The following TBC1D20 variants were observed in gnomAD, a reference collection of about 807,000 sequenced individuals.
TBC1D20 encodes chromosome 20 open reading frame 140.
TBC1D20 carries 12 observed loss-of-function variants against 41.6 expected under a neutral mutation model. That is an observed-to-expected ratio of 0.29 (90% CI 0.18 to 0.47). The LOEUF is 0.47. Among genes scored for constraint, TBC1D20 ranks in the 20% least tolerant of loss-of-function variants. The pLI is 1.00. For missense variants in TBC1D20, 421 were observed against 517.4 expected (o/e 0.81, Z 1.81); for synonymous variants, 205 against 204.8 (o/e 1.00, Z -0.01).
At chr20:452,912 G>C (rs916231452) in intron 1 of TBC1D20, among the ~76,000 whole-genome samples, 1 of 152,104 alleles carries the variant, frequency 6.6e-6, no homozygotes, top group Non-Finnish European at 1.5e-5. Context: ...CATTTTGGGA[G>C]GCCGAGGCGG....
In TBC1D20 at chr20:438,496, C is replaced by G; in HGVS notation, c.*90G>C. 6.8e-7 allele frequency: 1 copy of G among 1,463,950 alleles called. No individual in the cohort carries two copies. The highest frequency in any genetic ancestry group is 9.3e-7 in the Non-Finnish European group (1 of 1,080,426). The allele number at this position is 1,463,950 out of a possible 1,614,324, so 90.7% of individuals were successfully genotyped here. A position where few individuals can be genotyped will look rare whatever the true frequency, so the allele number is the denominator to read the frequency against. On this transcript the variant is annotated 3_prime_UTR_variant, in exon 8 of 8. Coordinates refer to ENST00000354200, the MANE Select transcript of TBC1D20 (RefSeq NM_144628.4). ...GGAATAAAAAACTCTGGACAGAAAC[C>G]CTTTTAATAAAGGAAATTCCACCCC...
chr20:443,624 C>T (rs1311489344), intron 3 of TBC1D20, among the ~76,000 whole-genome samples: 3 of 152,110 alleles, frequency 2.0e-5, no homozygotes, highest in Non-Finnish European at 4.4e-5. Context: ...ACGAAGCAAA[C>T]CCAGGGCTGC....
rs1311644216 is a variant in TBC1D20 at position 453,872 on chromosome 20, G to A, written c.71-5798C>T. Among the ~76,000 whole-genome samples the A allele has an allele frequency of 2.8e-5, 4 of 145,060 alleles. No individual in the cohort carries two copies. In the East Asian group the frequency reaches 6.2e-4, roughly 23 times the overall value. On this transcript the variant is annotated intron_variant, in intron 1 of 7. Transcript: ENST00000354200. Reference sequence around the variant, plus strand: ...GCCTATCCCAGCACTTTGGGAGGCCGAGGTGGATGGATCACTGAGGTCAGG... The same window carrying A: ...GCCTATCCCAGCACTTTGGGAGGCCAAGGTGGATGGATCACTGAGGTCAGG...
chr20:442,005 G>T lies in TBC1D20; in HGVS notation c.376C>A (p.Leu126Met), dbSNP rs776402659. ...AAGATGAGGAGGATGATGTCAATCA[G>T]TTCTTCCTGGAGCCCTTCTCTCTGT... ...EEQREGLQEE[L>M]IDIILLILER... Residue 126 changes from leucine (L) to methionine (M), a missense_variant, in exon 4 of 8, where the codon CTG becomes ATG. Coordinates refer to ENST00000354200, the MANE Select transcript of TBC1D20 (RefSeq NM_144628.4). The T allele has an allele frequency of 6.2e-7, 1 of 1,614,002 alleles. No homozygotes were observed. The highest frequency in any genetic ancestry group is 8.5e-7 in the Non-Finnish European group (1 of 1,179,968).
intron 1 of TBC1D20, among the ~76,000 whole-genome samples, chr20:453,342 C>CGG (rs1463953241): frequency 0.037 from 5,383 of 147,138 alleles, 117 homozygotes; most frequent in African/African-American, 0.061. Context: ...GGCGTGGCGG[C>CGG]GCATGCCTGT....
intron 3 of TBC1D20, 34 bp downstream of exon 3, chr20:445,016 T>C: frequency 6.3e-7 from 1 of 1,576,736 alleles, no homozygotes. Flanking sequence ...GATACAGTCT[T>C]TCCAAATGTG....
chr20:440,443 C>T (rs1231345766), intron 5 of TBC1D20, 54 bp from the exon 6 acceptor site: 1 of 1,603,580 alleles, frequency 6.2e-7, no homozygotes, highest in African/African-American at 1.3e-5. Flanking sequence ...CCTTCCCTCT[C>T]TCTGGGCCTT....
Position 439,055 on chromosome 20 carries a change from C to T in TBC1D20, c.956+53G>A, listed in dbSNP as rs1461004787. The T allele has an allele frequency of 7.0e-6, 11 of 1,565,480 alleles. No homozygotes were observed. Among genetic ancestry groups the T allele is most frequent in the Non-Finnish European group, 9.5e-6 (11 of 1,154,004 alleles). On this transcript the variant is annotated intron_variant, in intron 7 of 7. Transcript: ENST00000354200. The surrounding 1 kb of genome is among the most constrained non-coding windows in gnomAD (Gnocchi z 4.6). ...CCCACCAGACACAAACCTTCCCTCG[C>T]TTCTGCTCATTTACAGCCACCCCCA...
rs868730615 is a variant in TBC1D20, at chr20:453,184, A to C, written c.71-5110T>G. Among the ~76,000 whole-genome samples, 720 of 122,300 alleles carry C rather than the reference A, an allele frequency of 5.9e-3. 5 individuals are homozygous for C. The highest frequency in any genetic ancestry group is 0.017 in the African/African-American group (522 of 30,630). The allele number at this position is 122,300 out of a possible 152,430, so 80.2% of individuals were successfully genotyped here. A position where few individuals can be genotyped will look rare whatever the true frequency, so the allele number is the denominator to read the frequency against. On this transcript the variant is annotated intron_variant, in intron 1 of 7. Coordinates refer to ENST00000354200, the MANE Select transcript of TBC1D20 (RefSeq NM_144628.4). ...AAAAAAAAAAAAAAAAAAAAAAAAA[A>C]AAAACAGGCTGGGCGCAGTGGCTCA...
chr20:461,105 T>C (rs971157286), intron 1 of TBC1D20, among the ~76,000 whole-genome samples: 5 of 152,150 alleles, frequency 3.3e-5, no homozygotes, highest in Admixed American at 6.5e-5. Flanking sequence ...CCTCAAAATA[T>C]GTGGGTTGTA....
In TBC1D20 at chr20:437,417, A is replaced by G. The variant is rs1163639951; in HGVS notation, c.*1169T>C. ...TTTTTTTTCAGGCCAGAGTGAATCT[A>G]AAACAAACCTGGCTTTGCTTACAGG... On this transcript the variant is annotated 3_prime_UTR_variant, in exon 8 of 8. Transcript: ENST00000354200. 6.5e-6 allele frequency: 1 copy of G among 152,680 alleles called. No individual in the cohort carries two copies. The highest frequency in any genetic ancestry group is 1.5e-5 in the Non-Finnish European group (1 of 68,050). 9.5% of individuals were successfully genotyped at this position (152,680 alleles called of 1,614,324 possible).
intron 1 of TBC1D20, among the ~76,000 whole-genome samples, chr20:455,759 C>T (rs932546717): frequency 6.6e-6 from 1 of 151,484 alleles, no homozygotes; most frequent in African/African-American, 2.4e-5. Flanking sequence ...ATGGCGAAAC[C>T]CCGTCTCCAC....
chr20:447,948 C>T lies in TBC1D20; in HGVS notation c.197G>A (p.Arg66Lys). 3 of 1,614,148 alleles carry T rather than the reference C, an allele frequency of 1.9e-6. No individual in the cohort carries two copies. Among genetic ancestry groups the T allele is most frequent in the Non-Finnish European group, 2.5e-6 (3 of 1,180,014 alleles). Residue 66 changes from arginine (R) to lysine (K), a missense_variant, in exon 2 of 8, where the codon AGA becomes AAA. By Grantham distance (26) the Arg-to-Lys change is conservative. Around this residue, in one of 3 missense-constraint regions of TBC1D20, gnomAD observed 150 missense variants for 151.3 expected, o/e 0.99. Transcript: ENST00000354200. ...SEGGLLTDEI[R>K]RKVWPKLLNV... ...GAGGAGCTTGGGCCACACTTTTCGT[C>T]TGATCTCATCAGTCAGGAGCCCTCC...
chr20:443,009 A>T (rs1029716791), intron 3 of TBC1D20, among the ~76,000 whole-genome samples: 1 of 152,182 alleles, frequency 6.6e-6, no homozygotes, highest in Admixed American at 6.5e-5. Flanking sequence ...CTGAGGCAGG[A>T]GAATGGCATG....
chr20:458,365 G>T (rs1174617281), intron 1 of TBC1D20, among the ~76,000 whole-genome samples: 1 of 150,738 alleles, frequency 6.6e-6, no homozygotes, highest in Non-Finnish European at 1.5e-5. Context: ...CCAGGCTGGA[G>T]AATAGTGGCA....
chr20:438,533 C>T lies in TBC1D20; in HGVS notation c.*53G>A. On this transcript the variant is annotated 3_prime_UTR_variant, in exon 8 of 8. Transcript: ENST00000354200. Reference sequence around the variant, plus strand: ...GGAAATTCCACCCCTCCCAATCCTTCCATGGAAGGGTGAGACCTTAATGTG... The same window carrying T: ...GGAAATTCCACCCCTCCCAATCCTTTCATGGAAGGGTGAGACCTTAATGTG... The T allele has an allele frequency of 6.3e-7, 1 of 1,585,118 alleles. No individual in the cohort carries two copies. The highest frequency in any genetic ancestry group is 1.1e-5 in the South Asian group (1 of 89,210).
In TBC1D20 at chr20:453,639, A is replaced by G. The variant is rs542162339; in HGVS notation, c.71-5565T>C. Among the ~76,000 whole-genome samples the G allele has an allele frequency of 1.0e-4, 12 of 119,172 alleles. 1 individual carries two copies. Among genetic ancestry groups the G allele is most frequent in the Non-Finnish European group, 1.6e-5 (1 of 61,180 alleles). The allele number at this position is 119,172 out of a possible 152,430, so 78.2% of individuals were successfully genotyped here. On this transcript the variant is annotated intron_variant, in intron 1 of 7. Transcript: ENST00000354200. ...CGGCTTACTGCAACCTCCACCTCCC[A>G]GGTTCAAGTGATTCTCCTGCCTCAG... is the stretch of plus-strand genomic sequence containing the variant.
chr20:461,662 G>A (rs1430447613), intron 1 of TBC1D20, among the ~76,000 whole-genome samples: 1 of 152,204 alleles, frequency 6.6e-6, no homozygotes, highest in Admixed American at 6.5e-5. Context: ...GTGCCCGGCC[G>A]CTTTTACACA....
chr20:438,543 G>A lies in TBC1D20; in HGVS notation c.*43C>T, dbSNP rs1317489384. The A allele has an allele frequency of 6.2e-7, 1 of 1,600,662 alleles. No homozygotes were observed. The highest frequency in any genetic ancestry group is 1.7e-5 in the Admixed American group (1 of 59,460). ...CCCCTCCCAATCCTTCCATGGAAGG[G>A]TGAGACCTTAATGTGATGTAAGAGG... is the stretch of plus-strand genomic sequence containing the variant. On this transcript the variant is annotated 3_prime_UTR_variant, in exon 8 of 8. Coordinates refer to ENST00000354200, the MANE Select transcript of TBC1D20 (RefSeq NM_144628.4).
Sources: gnomAD v4.1 joint callset for allele counts (sites outside exome capture counted in the v4.1 genomes callset) on GRCh38, gnomAD v4.1.1 for gene constraint, gnomAD v4.1.1 regional missense constraint, Gnocchi (gnomAD v3.1) non-coding constraint, MANE v1.5 for transcripts, NCBI Gene and HGNC (gene_info 2026-07-23, HGNC 2026-07-21) for gene names.